The following CIRSR variants were observed in gnomAD, a reference collection of about 807,000 sequenced individuals.
CIRSR encodes CBF1 (RBPJ) interacting corepressor 1.
chr2:174,369,152 ATCT>A, the CIRSR span, among the ~76,000 whole-genome samples: 1 of 152,340 alleles, frequency 6.6e-6, no homozygotes, highest in African/African-American at 2.4e-5. Flanking sequence ...TTCATCAATT[ATCT>A]TAGCTATATT....
At chr2:174,394,391 G>C in the CIRSR span, among the ~76,000 whole-genome samples, 1 of 152,124 alleles carries the variant, frequency 6.6e-6, no homozygotes, top group Non-Finnish European at 1.5e-5. Flanking sequence ...CCAAATACAA[G>C]AAACCTCTCC....
chr2:174,364,604 C>A, the CIRSR span, among the ~76,000 whole-genome samples: 3 of 152,250 alleles, frequency 2.0e-5, no homozygotes. Context: ...AGTCTCCATA[C>A]ATCTGAAATC....
chr2:174,355,425 A>G, the CIRSR span, among the ~76,000 whole-genome samples: 136 of 152,332 alleles, frequency 8.9e-4, 2 homozygotes, highest in East Asian at 0.024. Flanking sequence ...TTTCTAGATC[A>G]TCTCAGCCAA....
chr2:174,355,212 A>G, the CIRSR span, among the ~76,000 whole-genome samples: 4 of 152,214 alleles, frequency 2.6e-5, no homozygotes, highest in South Asian at 2.1e-4. Flanking sequence ...AGATGATTAC[A>G]GATACGTTGA....
At chr2:174,386,006 G>A in the CIRSR span, among the ~76,000 whole-genome samples, 1 of 152,012 alleles carries the variant, frequency 6.6e-6, no homozygotes, top group Non-Finnish European at 1.5e-5. Context: ...TAATTAAAAG[G>A]GAAAATAGTA....
chr2:174,377,066 T>C, the CIRSR span, among the ~76,000 whole-genome samples: 5 of 151,918 alleles, frequency 3.3e-5, no homozygotes, highest in Non-Finnish European at 7.4e-5. Context: ...AGGATCAGAG[T>C]TACACAAGGC....
the CIRSR span, among the ~76,000 whole-genome samples, chr2:174,366,043 G>A: frequency 6.6e-6 from 1 of 152,170 alleles, no homozygotes; most frequent in South Asian, 2.1e-4. Flanking sequence ...CAAAGGAAAT[G>A]CTGAAATCAA....
the CIRSR span, among the ~76,000 whole-genome samples, chr2:174,382,099 C>T: frequency 3.9e-5 from 6 of 152,172 alleles, no homozygotes; most frequent in African/African-American, 1.4e-4. Context: ...GAAATTATGA[C>T]AACTTTGAAA....
At chr2:174,364,730 A>G in the CIRSR span, among the ~76,000 whole-genome samples, 1 of 152,244 alleles carries the variant, frequency 6.6e-6, no homozygotes, top group Non-Finnish European at 1.5e-5. Context: ...CCCAAGATCT[A>G]CATTGGCCTC....
the CIRSR span, chr2:174,351,539 G>T: frequency 8.4e-7 from 1 of 1,193,674 alleles, no homozygotes; most frequent in Non-Finnish European, 1.2e-6. Flanking sequence ...ATGCATATTG[G>T]AAAACATTAA....
chr2:174,363,724 G>A, the CIRSR span, among the ~76,000 whole-genome samples: 2 of 152,196 alleles, frequency 1.3e-5, no homozygotes, highest in African/African-American at 4.8e-5. Context: ...GAGAGCTTGT[G>A]CAGGGGAATT....
At chr2:174,372,887 T>C in the CIRSR span, among the ~76,000 whole-genome samples, 1 of 152,168 alleles carries the variant, frequency 6.6e-6, no homozygotes, top group Admixed American at 6.5e-5. Context: ...TGGCCTCTCT[T>C]TTACTGTAAT....
At chr2:174,374,123 C>CA in the CIRSR span, among the ~76,000 whole-genome samples, 1 of 152,208 alleles carries the variant, frequency 6.6e-6, no homozygotes, top group African/African-American at 2.4e-5. Context: ...CATCAGTGGC[C>CA]AAGCCCTTTC....
the CIRSR span, among the ~76,000 whole-genome samples, chr2:174,389,531 C>A: frequency 6.6e-6 from 1 of 152,118 alleles, no homozygotes; most frequent in African/African-American, 2.4e-5. Flanking sequence ...GCATAAAATT[C>A]TGGAAATTCT....
At chr2:174,354,707 TA>T in the CIRSR span, among the ~76,000 whole-genome samples, 6 of 103,660 alleles carry the variant, frequency 5.8e-5, no homozygotes, top group Non-Finnish European at 9.1e-5. Flanking sequence ...ATATATTATA[TA>T]TAATATAATA....
the CIRSR span, among the ~76,000 whole-genome samples, chr2:174,391,882 T>C: frequency 0.013 from 1,932 of 152,306 alleles, 44 homozygotes; most frequent in African/African-American, 0.043. Flanking sequence ...GATTGCATGA[T>C]TCCATTTAAA....
the CIRSR span, among the ~76,000 whole-genome samples, chr2:174,376,378 T>C: frequency 6.6e-6 from 1 of 152,222 alleles, no homozygotes; most frequent in Non-Finnish European, 1.5e-5. Context: ...TTCATTCACT[T>C]GATCCTGAAA....
chr2:174,391,756 C>G, the CIRSR span, among the ~76,000 whole-genome samples: 9 of 152,258 alleles, frequency 5.9e-5, 1 homozygote, highest in South Asian at 1.9e-3. Context: ...AAATAACTTA[C>G]ATTCATACAA....
At chr2:174,361,901 A>G in the CIRSR span, among the ~76,000 whole-genome samples, 7 of 152,282 alleles carry the variant, frequency 4.6e-5, no homozygotes, top group African/African-American at 1.7e-4. Flanking sequence ...ATCTGGTGAC[A>G]TTATTTTGAA....
Sources: gnomAD v4.1 joint callset for allele counts (sites outside exome capture counted in the v4.1 genomes callset) on GRCh38, gnomAD v4.1.1 for gene constraint, MANE v1.5 for transcripts, NCBI Gene and HGNC (gene_info 2026-07-23, HGNC 2026-07-21) for gene names.